GPBP1: variants seen among roughly 807,000 people sequenced by gnomAD.
GPBP1 encodes GC-rich promoter binding protein 1.
A neutral mutation model predicts 56.5 loss-of-function variants in GPBP1; 13 were observed. That is an observed-to-expected ratio of 0.23 (90% CI 0.15 to 0.37). The LOEUF (loss-of-function observed/expected upper bound fraction) is 0.37, where lower values mean the gene tolerates loss of function less well. Ranked by LOEUF, GPBP1 falls within the 10% of genes least tolerant of loss-of-function variation. The probability of loss-of-function intolerance (pLI) is 1.00; values close to 1 mark genes in which losing one functional copy is unlikely to be tolerated. For missense variants in GPBP1, 477 were observed against 572.3 expected (o/e 0.83, Z 1.70); for synonymous variants, 204 against 188.9 (o/e 1.08, Z -0.66).
At chr5:57,261,571 CTTAT>C (rs1469978952) in intron 11 of GPBP1, among the ~76,000 whole-genome samples, 2 of 152,082 alleles carry the variant, frequency 1.3e-5, no homozygotes, top group Non-Finnish European at 2.9e-5. Context: ...GCAATAGTGA[CTTAT>C]TTAAACTATT....
At chr5:57,206,850 A>G (rs531097677) in intron 2 of GPBP1, among the ~76,000 whole-genome samples, 1 of 152,298 alleles carries the variant, frequency 6.6e-6, no homozygotes, top group East Asian at 1.9e-4. Context: ...AGGCCATACT[A>G]CAGTTTTGAT....
chr5:57,177,574 A>G (rs1753840476), intron 2 of GPBP1, among the ~76,000 whole-genome samples: 1 of 150,982 alleles, frequency 6.6e-6, no homozygotes, highest in African/African-American at 2.4e-5. Flanking sequence ...CCCGGGTTCA[A>G]GCGATTCTCC....
At chr5:57,218,623 G>T (rs558609223) in intron 3 of GPBP1, among the ~76,000 whole-genome samples, 16 of 152,222 alleles carry the variant, frequency 1.1e-4, no homozygotes, top group Middle Eastern at 3.4e-3. Flanking sequence ...TGCTGAGACT[G>T]TTGGGGGCCC....
rs554230543 is a variant in GPBP1, at chr5:57,175,219, C to T, written c.-1010-229C>T. 5.9e-5 allele frequency among the ~76,000 whole-genome samples: 9 copies of T among 152,276 alleles called. No individual in the cohort carries two copies. The East Asian group carries it at 9.6e-4, about 16-fold the overall frequency. ...CCTTCCCAGGTGAAATCTGCCCTTG[C>T]CCTCCATAATACCGTCACCTACCGT... On this transcript the variant is annotated intron_variant, in intron 1 of 11. Coordinates refer to ENST00000506184, the MANE Select transcript of GPBP1 (RefSeq NM_022913.4).
Position 57,231,265 on chromosome 5 carries a change from GA to G in GPBP1, c.358del (p.Thr120ProfsTer21). The stretch of plus-strand genomic sequence containing the variant: ...ACATGAAAACAACATACCTGACAAT[GA>G]AACCGGGAGGAAAGAAGACAAGAGA... ...GLHENNIPDNETGRKEDKRER... is the reference protein window; with the variant it reads ...GLHENNIPDNXTGRKEDKRER... On this transcript the variant is annotated frameshift_variant, in exon 5 of 12. Transcript: ENST00000506184. LOFTEE classifies it high-confidence loss of function. 1 of 1,614,082 alleles carries G rather than the reference GA, an allele frequency of 6.2e-7. No homozygotes were observed. Among genetic ancestry groups the G allele is most frequent in the Non-Finnish European group, 8.5e-7 (1 of 1,179,966 alleles).
At chr5:57,185,249 T>TG (rs1397012436) in intron 2 of GPBP1, among the ~76,000 whole-genome samples, 1 of 150,438 alleles carries the variant, frequency 6.6e-6, no homozygotes, top group Non-Finnish European at 1.5e-5. Context: ...CAACCATCTT[T>TG]GGTTAGGTCT....
chr5:57,227,541 A>G (rs562062638), intron 3 of GPBP1, among the ~76,000 whole-genome samples: 1 of 152,228 alleles, frequency 6.6e-6, no homozygotes, highest in East Asian at 1.9e-4. Context: ...TCTTGACTAC[A>G]CTTTGCATGG....
intron 6 of GPBP1, among the ~76,000 whole-genome samples, chr5:57,241,280 T>C (rs1740813722): frequency 6.6e-6 from 1 of 152,236 alleles, no homozygotes; most frequent in East Asian, 1.9e-4. Flanking sequence ...CTTTGTATTA[T>C]ATGTGGCAGT....
At chr5:57,236,063 C>T (rs1756649721) in intron 6 of GPBP1, 31 bp downstream of exon 6, 1 of 1,360,068 alleles carries the variant, frequency 7.4e-7, no homozygotes, top group Non-Finnish European at 1.0e-6. Flanking sequence ...ATTTGAGGGG[C>T]ACAAAATGTT....
chr5:57,207,259 C>T lies in GPBP1; in HGVS notation c.-57-6815C>T, dbSNP rs112253615. 2.1e-3 allele frequency among the ~76,000 whole-genome samples: 314 copies of T among 152,186 alleles called. 2 individuals are homozygous for T. The highest frequency in any genetic ancestry group is 7.0e-3 in the African/African-American group (291 of 41,516). On this transcript the variant is annotated intron_variant, in intron 2 of 11. Transcript: ENST00000506184. ...TGAATTGTTTTTGGATGTTTAGGGC[C>T]CCTCGCACTTCCAAAGGAAATTGAG...
chr5:57,227,364 G>T (rs1020151088), intron 3 of GPBP1, among the ~76,000 whole-genome samples: 1 of 151,948 alleles, frequency 6.6e-6, no homozygotes, highest in African/African-American at 2.4e-5. Flanking sequence ...ACCACACCTG[G>T]CCTAATTTTT....
chr5:57,189,196 T>C (rs1754416901), intron 2 of GPBP1, among the ~76,000 whole-genome samples: 2 of 152,216 alleles, frequency 1.3e-5, no homozygotes, highest in Non-Finnish European at 2.9e-5. Context: ...CTCAGTTCAC[T>C]GCAACTTCCA....
chr5:57,218,131 C>T (rs1050602656), intron 3 of GPBP1, among the ~76,000 whole-genome samples: 4 of 152,134 alleles, frequency 2.6e-5, no homozygotes, highest in Non-Finnish European at 4.4e-5. Flanking sequence ...TCTATAACCA[C>T]ATAATTTGGA....
intron 6 of GPBP1, among the ~76,000 whole-genome samples, chr5:57,244,367 T>C (rs1226075273): frequency 5.3e-5 from 8 of 152,228 alleles, no homozygotes; most frequent in South Asian, 2.1e-4. Context: ...AATTTTAATA[T>C]AAGAATCTAG....
At chr5:57,222,240 A>G (rs73757321) in intron 3 of GPBP1, among the ~76,000 whole-genome samples, 2,992 of 152,252 alleles carry the variant, frequency 0.02, 76 homozygotes, top group African/African-American at 0.067. Context: ...AAACACTTAT[A>G]TTAAGGTAAC....
In GPBP1 at chr5:57,264,440, A is replaced by T. The variant is rs1377032041; in HGVS notation, c.*1688A>T. ...TTTATCAGATACAACCTGTATTTCC[A>T]AAAACAAGCTAGAAGGAACCTGAGG... On this transcript the variant is annotated 3_prime_UTR_variant, in exon 12 of 12. Transcript: ENST00000506184. 6.6e-6 allele frequency: 1 copy of T among 152,158 alleles called. No individual in the cohort carries two copies. Among genetic ancestry groups the T allele is most frequent in the African/African-American group, 2.4e-5 (1 of 41,454 alleles). The allele number at this position is 152,158 out of a possible 1,614,324, so 9.4% of individuals were successfully genotyped here.
intron 3 of GPBP1, among the ~76,000 whole-genome samples, chr5:57,216,524 C>G (rs1755704549): frequency 6.6e-6 from 1 of 152,082 alleles, no homozygotes; most frequent in Non-Finnish European, 1.5e-5. Context: ...GAATTCGAGA[C>G]CAGCCTAGCT....
rs1004205531 is a variant in GPBP1 at position 57,186,817 on chromosome 5, T to C, written c.-58+10417T>C. On this transcript the variant is annotated intron_variant, in intron 2 of 11. Transcript: ENST00000506184. Reference sequence around the variant, plus strand: ...AATTACTGGACTCATGGGATCCTCCTGCGTTGGCCTCCCAAAGTATTGGGA... The same window carrying C: ...AATTACTGGACTCATGGGATCCTCCCGCGTTGGCCTCCCAAAGTATTGGGA... Among the ~76,000 whole-genome samples, 26 of 152,294 alleles carry C rather than the reference T, an allele frequency of 1.7e-4. No homozygotes were observed. The South Asian group carries it at 1.9e-3, about 11-fold the overall frequency.
At chr5:57,221,227 G>C (rs1755944710) in intron 3 of GPBP1, 2 of 613,594 alleles carry the variant, frequency 3.3e-6, no homozygotes, top group Non-Finnish European at 5.7e-6. Flanking sequence ...GTAGTGAGAA[G>C]GATATTTTAC....
Sources: allele counts gnomAD v4.1 joint callset (sites outside exome capture counted in the v4.1 genomes callset), GRCh38; gene constraint gnomAD v4.1.1; transcripts MANE v1.5; gene names NCBI Gene and HGNC (gene_info 2026-07-23, HGNC 2026-07-21).